The following AGK variants were observed in gnomAD, a reference collection of about 807,000 sequenced individuals.
AGK encodes the protein acylglycerol kinase, mitochondrial.
AGK carries 52 observed loss-of-function variants against 66.4 expected under a neutral mutation model. That is an observed-to-expected ratio of 0.78 (90% CI 0.63 to 0.99). The LOEUF (loss-of-function observed/expected upper bound fraction) is 0.99. Among genes scored for constraint, AGK ranks in the 50% least tolerant of loss-of-function variants. The pLI, the probability that AGK is intolerant of heterozygous loss-of-function variation, is 0.00. For missense variants in AGK, 451 were observed against 506.6 expected (o/e 0.89, Z 1.05); for synonymous variants, 182 against 181.1 (o/e 1.00, Z -0.04).
At chr7:141,609,020 C>T (rs753050656) in intron 5 of AGK, among the ~76,000 whole-genome samples, 5 of 151,976 alleles carry the variant, frequency 3.3e-5, no homozygotes, top group African/African-American at 7.2e-5. Flanking sequence ...CAAATATTTG[C>T]GAATATGTAA....
intron 2 of AGK, among the ~76,000 whole-genome samples, chr7:141,575,988 A>G (rs562541200): frequency 1.3e-4 from 20 of 152,270 alleles, no homozygotes; most frequent in African/African-American, 4.6e-4. Context: ...TAAACAATGA[A>G]CTTGCTAACT....
chr7:141,639,164 G>A (rs979843730), intron 11 of AGK, among the ~76,000 whole-genome samples: 8 of 152,164 alleles, frequency 5.3e-5, no homozygotes, highest in Non-Finnish European at 1.0e-4. Context: ...AGTATCCATC[G>A]AATTTGGCAG....
chr7:141,641,971 C>T, intron 13 of AGK, 63 bp downstream of exon 13: 1 of 1,297,452 alleles, frequency 7.7e-7, no homozygotes, highest in South Asian at 1.3e-5. Flanking sequence ...TAGCTATAGT[C>T]CTCTCCCACT....
At chr7:141,614,123 A>G (rs1325035433) in intron 6 of AGK, 23 bp from the exon 7 acceptor site, 2 of 1,482,368 alleles carry the variant, frequency 1.3e-6, no homozygotes, top group Non-Finnish European at 1.9e-6. Flanking sequence ...ATTTATAACA[A>G]TGTTTTATTA....
At chr7:141,568,260 G>A (rs1188902190) in intron 2 of AGK, among the ~76,000 whole-genome samples, 1 of 152,134 alleles carries the variant, frequency 6.6e-6, no homozygotes, top group Non-Finnish European at 1.5e-5. Flanking sequence ...TACAAAAGAG[G>A]CCTGCCATAC....
At chr7:141,589,865 T>G (rs900035002) in intron 2 of AGK, among the ~76,000 whole-genome samples, 7 of 152,170 alleles carry the variant, frequency 4.6e-5, no homozygotes, top group Admixed American at 3.9e-4. Context: ...AGACCCAAAG[T>G]TAAGTATGAT....
In AGK at chr7:141,551,791, G is replaced by A. The variant is rs574822668; in HGVS notation, c.-15+357G>A. On this transcript the variant is annotated intron_variant, in intron 1 of 15. Transcript: ENST00000649286. The stretch of plus-strand genomic sequence containing the variant: ...AGCCCTTTGCAAAATGGGGCCAATA[G>A]TATCAGATCCATTGATGGGTTGGTT... Among the ~76,000 whole-genome samples the A allele has an allele frequency of 9.2e-5, 14 of 152,242 alleles. No homozygotes were observed. In the South Asian group the frequency reaches 2.9e-3, roughly 32 times the overall value.
rs571796847 is a variant in AGK at position 141,553,444 on chromosome 7, G to GGTTA, written c.-14-2007_-14-2004dup. Among the ~76,000 whole-genome samples, 27 of 152,290 alleles carry GGTTA rather than the reference G, an allele frequency of 1.8e-4. No individual in the cohort carries two copies. In the South Asian group the frequency reaches 5.6e-3, roughly 32 times the overall value. The stretch of plus-strand genomic sequence containing the variant: ...GCACCACCCCCTCAGCCCTAGACCA[G>GGTTA]GTTAGGTTCATTCTTGCAGACTCTC... On this transcript the variant is annotated intron_variant, in intron 1 of 15. Coordinates refer to ENST00000649286, the MANE Select transcript of AGK (RefSeq NM_018238.4).
intron 13 of AGK, among the ~76,000 whole-genome samples, chr7:141,648,460 T>A (rs1181859798): frequency 1.3e-5 from 2 of 152,232 alleles, no homozygotes; most frequent in African/African-American, 2.4e-5. Context: ...TAGTTGAGAG[T>A]TCTTTGTTAG....
At chr7:141,597,205 G>A (rs1796245463) in intron 4 of AGK, 1 of 152,482 alleles carries the variant, frequency 6.6e-6, no homozygotes, top group African/African-American at 2.4e-5. Flanking sequence ...GAAATGTCAT[G>A]TGGGAATTGT....
intron 13 of AGK, among the ~76,000 whole-genome samples, chr7:141,647,064 C>CT (rs1442827511): frequency 6.6e-6 from 1 of 152,062 alleles, no homozygotes; most frequent in Non-Finnish European, 1.5e-5. Flanking sequence ...CTCCTCCTCT[C>CT]TAACTACCCC....
chr7:141,552,880 G>A (rs902745566), intron 1 of AGK, among the ~76,000 whole-genome samples: 3 of 152,066 alleles, frequency 2.0e-5, no homozygotes, highest in African/African-American at 7.2e-5. Flanking sequence ...GCGTATTACT[G>A]TTAGATCATA....
chr7:141,593,146 T>C lies in AGK; in HGVS notation c.102T>C (p.Cys34=). The C allele has an allele frequency of 1.2e-6, 2 of 1,611,138 alleles. No individual in the cohort carries two copies. Among genetic ancestry groups the C allele is most frequent in the African/African-American group, 2.7e-5 (2 of 75,000 alleles). Residue 34 remains cysteine (C), a splice_region_variant and synonymous_variant, in exon 3 of 16, where the codon TGT becomes TGC. Coordinates refer to ENST00000649286, the MANE Select transcript of AGK (RefSeq NM_018238.4). The part of the protein sequence containing the change: ...WGGHWLYGKH[C]DNLLRRAACQ... ...TATTCTCTTTTGCTTACTTTGATAG[T>C]GATAACCTCCTAAGGAGAGCAGCCT...
chr7:141,564,288 G>A (rs1399857990), intron 2 of AGK, among the ~76,000 whole-genome samples: 1 of 152,172 alleles, frequency 6.6e-6, no homozygotes, highest in Non-Finnish European at 1.5e-5. Context: ...CTGAGACTGG[G>A]TAATTTTAAA....
chr7:141,603,626 C>T (rs1796387965), intron 5 of AGK, among the ~76,000 whole-genome samples: 1 of 151,988 alleles, frequency 6.6e-6, no homozygotes, highest in Admixed American at 6.6e-5. Flanking sequence ...CATTCTATAC[C>T]AGTTATCTAT....
intron 2 of AGK, among the ~76,000 whole-genome samples, chr7:141,557,195 G>A (rs997486840): frequency 1.3e-5 from 2 of 152,208 alleles, no homozygotes; most frequent in East Asian, 1.9e-4. Context: ...ATAACTTTAT[G>A]ATATAACATG....
intron 15 of AGK, 92 bp from the exon 16 acceptor site, chr7:141,652,695 A>G (rs1053190162): frequency 2.9e-6 from 4 of 1,383,492 alleles, no homozygotes; most frequent in African/African-American, 1.4e-5. Context: ...GTTGTTTTCC[A>G]TAATGAACTT....
At position 141,636,856 on chromosome 7, in the gene AGK, A is replaced by G. The variant is rs1348866008; in HGVS notation, c.669-104A>G. 12 of 893,756 alleles carry G rather than the reference A, an allele frequency of 1.3e-5. No individual in the cohort carries two copies. The East Asian group carries it at 2.5e-4, about 18-fold the overall frequency. 55.4% of individuals were successfully genotyped at this position (893,756 alleles called of 1,614,324 possible). A position where few individuals can be genotyped will look rare whatever the true frequency, so the allele number is the denominator to read the frequency against. ...CTCCTAGCTACCAGAATAGCCACTC[A>G]TAGCAGAGATGTAATTCTAATGTAT... On this transcript the variant is annotated intron_variant, in intron 10 of 15. Transcript: ENST00000649286.
intron 2 of AGK, among the ~76,000 whole-genome samples, chr7:141,591,785 A>G (rs1212356621): frequency 2.6e-5 from 4 of 152,228 alleles, no homozygotes; most frequent in Non-Finnish European, 5.9e-5. Context: ...TGAAGTTACT[A>G]TCTTAGCAGT....
Sources: gnomAD v4.1 joint callset for allele counts (sites outside exome capture counted in the v4.1 genomes callset) on GRCh38, gnomAD v4.1.1 for gene constraint, MANE v1.5 for transcripts, NCBI Gene and HGNC (gene_info 2026-07-23, HGNC 2026-07-21) for gene names.